The following DUSP9 variants were observed in gnomAD, a reference collection of about 807,000 sequenced individuals.
DUSP9 encodes dual specificity phosphatase 9.
DUSP9 carries 4 observed loss-of-function variants against 13.2 expected under a neutral mutation model. That is an observed-to-expected ratio of 0.30 (90% CI 0.15 to 0.69). The LOEUF (loss-of-function observed/expected upper bound fraction) is 0.69. Ranked by LOEUF, DUSP9 falls within the 30% of genes least tolerant of loss-of-function variation. The probability of loss-of-function intolerance (pLI) is 0.73; values close to 1 mark genes in which losing one functional copy is unlikely to be tolerated. For missense variants in DUSP9, 263 were observed against 355.0 expected (o/e 0.74, Z 2.08); for synonymous variants, 166 against 172.3 (o/e 0.96, Z 0.29).
At chrX:153,649,185 C>A (rs1350729684) in intron 2 of DUSP9, 47 bp from the exon 3 acceptor site, 1 of 1,165,817 alleles carries the variant, frequency 8.6e-7, no homozygotes, top group Non-Finnish European at 1.2e-6. Flanking sequence ...AGGCACTTGG[C>A]TGCCCAGAAG....
At chrX:153,647,566 A>C in intron 1 of DUSP9, 141 bp downstream of exon 1, 1 of 121,978 alleles carries the variant, frequency 8.2e-6, no homozygotes, top group Non-Finnish European at 1.7e-5. Context: ...GGGGAGATCT[A>C]GGCCTCGAAC....
chrX:153,648,572 G>A (rs1454952510), intron 2 of DUSP9, among the ~76,000 whole-genome samples: 1 of 110,981 alleles, frequency 9.0e-6, no homozygotes, highest in African/African-American at 3.3e-5. Flanking sequence ...GCTCAAGAAC[G>A]AATTACAAAG....
rs1164525817 is a variant in DUSP9 at position 153,647,241 on chromosome X, T to G, written c.-220T>G. ...GGTCCGGCTGCCAGGAAGCGGCCGG[T>G]GCGCGGGCTGCGCGGGCTGCGCGGG... On this transcript the variant is annotated 5_prime_UTR_variant, in exon 1 of 4. Transcript: ENST00000342782. The G allele has an allele frequency of 1.9e-5, 2 of 106,443 alleles. No homozygotes were observed. The highest frequency in any genetic ancestry group is 6.7e-5 in the African/African-American group (2 of 29,656). 8.8% of individuals were successfully genotyped at this position (106,443 alleles called of 1,213,427 possible).
rs1557035729 is a variant in DUSP9 at position 153,647,991 on chromosome X, G to C, written c.38G>C (p.Arg13Pro). ...GLGRSCLWLR[R>P]ELSPPRPRLL... ...GGCCGCTCGTGCCTGTGGCTGCGTC[G>C]GGAGCTGTCGCCCCCGCGGCCGCGG... Residue 13 changes from arginine (R) to proline (P), a missense_variant, in exon 2 of 4, where the codon CGG becomes CCG. By Grantham distance (103) the Arg-to-Pro change is moderately radical. Transcript: ENST00000342782. 9.1e-7 allele frequency: 1 copy of C among 1,102,501 alleles called. No individual in the cohort carries two copies. Among genetic ancestry groups the C allele is most frequent in the Non-Finnish European group, 1.2e-6 (1 of 848,543 alleles). The allele number at this position is 1,102,501 out of a possible 1,213,427, so 90.9% of individuals were successfully genotyped here.
chrX:153,642,755 A>G (rs1557034988), upstream of DUSP9: 1 of 104,175 alleles, frequency 9.6e-6, no homozygotes, highest in African/African-American at 3.6e-5. Context: ...CCCCTACGAC[A>G]CCCATTCGGT....
chrX:153,650,340 C>A lies in DUSP9; in HGVS notation c.*35C>A. 2.9e-6 allele frequency: 3 copies of A among 1,031,390 alleles called. No individual in the cohort carries two copies. Among genetic ancestry groups the A allele is most frequent in the Non-Finnish European group, 3.9e-6 (3 of 770,250 alleles). The allele number at this position is 1,031,390 out of a possible 1,213,427, so 85.0% of individuals were successfully genotyped here. A position where few individuals can be genotyped will look rare whatever the true frequency, so the allele number is the denominator to read the frequency against. On this transcript the variant is annotated 3_prime_UTR_variant, in exon 4 of 4. Transcript: ENST00000342782. ...GCCGGCAGGCCGGCCCCTGCCCCAC[C>A]CCCACCCACGGGTGTCCCTGCCCAC...
At position 153,649,972 on chromosome X, in the gene DUSP9, C is replaced by T; in HGVS notation, c.830-8C>T. On this transcript the variant is annotated splice_region_variant and splice_polypyrimidine_tract_variant and intron_variant, in intron 3 of 3. Coordinates refer to ENST00000342782, the MANE Select transcript of DUSP9 (RefSeq NM_001318503.2). The stretch of plus-strand genomic sequence containing the variant: ...CGGGTCTCCCGGGCCCTTTCCTGCC[C>T]CATCTAGATGAGGCCTTGTCCCAGA... The T allele has an allele frequency of 8.3e-7, 1 of 1,204,924 alleles. No individual in the cohort carries two copies. The highest frequency in any genetic ancestry group is 1.1e-6 in the Non-Finnish European group (1 of 892,148).
chrX:153,646,801 A>G (rs1306494882), upstream of DUSP9, among the ~76,000 whole-genome samples: 3 of 112,229 alleles, frequency 2.7e-5, no homozygotes, highest in Admixed American at 1.9e-4. Context: ...TGGCATCCCA[A>G]GTTTGCCCAA....
At chrX:153,644,806 G>T (rs2091182652), upstream of DUSP9, among the ~76,000 whole-genome samples, 4 of 111,950 alleles carry the variant, frequency 3.6e-5, no homozygotes, top group African/African-American at 1.3e-4. Flanking sequence ...GCCTCTCCCC[G>T]TCCTCATTCC....
upstream of DUSP9, among the ~76,000 whole-genome samples, chrX:153,644,392 C>G (rs1333594348): frequency 3.8e-5 from 4 of 104,364 alleles, no homozygotes; most frequent in South Asian, 1.6e-3. Context: ...CAGACGAGGC[C>G]CGGGCGCGCG....
chrX:153,646,788 C>T (rs2091189454), upstream of DUSP9, among the ~76,000 whole-genome samples: 2 of 112,460 alleles, frequency 1.8e-5, no homozygotes, highest in Non-Finnish European at 3.8e-5. Flanking sequence ...TCCGTGATTT[C>T]GGTGGCATCC....
intron 2 of DUSP9, among the ~76,000 whole-genome samples, chrX:153,648,666 G>C (rs1042348061): frequency 2.0e-4 from 22 of 112,408 alleles, no homozygotes; most frequent in Non-Finnish European, 3.6e-4. Context: ...GGGTCAGACA[G>C]CACTGGTGCA....
At chrX:153,649,867 C>T (rs1378266683) in intron 3 of DUSP9, 113 bp from the exon 4 acceptor site, 5 of 977,300 alleles carry the variant, frequency 5.1e-6, no homozygotes, top group Admixed American at 2.9e-5. Context: ...ACCTGCAGGT[C>T]GTGGCCATCT....
At chrX:153,643,207 G>T (rs1557035037), upstream of DUSP9, among the ~76,000 whole-genome samples, 1 of 110,215 alleles carries the variant, frequency 9.1e-6, no homozygotes, top group Non-Finnish European at 1.9e-5. Flanking sequence ...TCTCCAACGC[G>T]CACTCTCATC....
chrX:153,647,688 A>C, intron 1 of DUSP9: 1 of 251,294 alleles, frequency 4.0e-6, no homozygotes, highest in East Asian at 5.9e-5. Context: ...GGCGGCTGCG[A>C]CCTCAGGGTA....
upstream of DUSP9, among the ~76,000 whole-genome samples, chrX:153,644,637 A>G (rs1244823111): frequency 1.8e-5 from 2 of 112,133 alleles, no homozygotes; most frequent in Non-Finnish European, 3.8e-5. Context: ...CTGACTTTGG[A>G]AATTGAGCCC....
chrX:153,647,821 G>A (rs2091194086), intron 1 of DUSP9, 98 bp from the exon 2 acceptor site: 1 of 746,884 alleles, frequency 1.3e-6, no homozygotes, highest in East Asian at 4.4e-5. Flanking sequence ...TCATGGTGGG[G>A]GACCCTGGGC....
chrX:153,648,641 G>A (rs1352675830), intron 2 of DUSP9, among the ~76,000 whole-genome samples: 1 of 112,263 alleles, frequency 8.9e-6, no homozygotes, highest in Non-Finnish European at 1.9e-5. Flanking sequence ...GCTCAGGAAT[G>A]AGCAAGGGAG....
upstream of DUSP9, among the ~76,000 whole-genome samples, chrX:153,644,631 CT>C (rs1477478886): frequency 8.9e-6 from 1 of 112,523 alleles, no homozygotes; most frequent in Non-Finnish European, 1.9e-5. Flanking sequence ...TGAGCTCTGA[CT>C]TTGGAAATTG....
Sources: gnomAD v4.1 joint callset for allele counts (sites outside exome capture counted in the v4.1 genomes callset) on GRCh38, gnomAD v4.1.1 for gene constraint, MANE v1.5 for transcripts, NCBI Gene and HGNC (gene_info 2026-07-23, HGNC 2026-07-21) for gene names.